The following SLC39A10 variants were observed in gnomAD, a reference collection of about 807,000 sequenced individuals.
The protein encoded by SLC39A10 is zinc transporter ZIP10.
Under a neutral mutation model 65.1 loss-of-function variants are expected in SLC39A10, and 13 were observed. The ratio of observed to expected loss-of-function variants is 0.20; its 90% confidence interval spans 0.13 to 0.32. The LOEUF (loss-of-function observed/expected upper bound fraction) is 0.32, where lower values mean the gene tolerates loss of function less well. Ranked by LOEUF, SLC39A10 falls within the 10% of genes least tolerant of loss-of-function variation. The pLI is 1.00. For missense variants in SLC39A10, 831 were observed against 1,018.4 expected (o/e 0.82, Z 2.50); for synonymous variants, 321 against 342.2 (o/e 0.94, Z 0.68).
intron 2 of SLC39A10, among the ~76,000 whole-genome samples, chr2:195,625,379 G>A (rs1199989740): frequency 6.6e-6 from 1 of 151,022 alleles, no homozygotes; most frequent in Non-Finnish European, 1.5e-5. Flanking sequence ...AAGTTCAAGC[G>A]ATTCTCCTGC....
chr2:195,718,504 T>C (rs1190858551), intron 8 of SLC39A10, among the ~76,000 whole-genome samples, 172 bp downstream of exon 8: 2 of 152,156 alleles, frequency 1.3e-5, no homozygotes, highest in Non-Finnish European at 2.9e-5. Context: ...AAAATGCTCC[T>C]TAAGATTGAT....
Position 195,621,776 on chromosome 2 carries a change from T to C in SLC39A10, c.-12+15543T>C, listed in dbSNP as rs888878818. ...ATGAAGTGAGCATTCTGAAATTAATTCTTTGTGTTTTTATAGAGAAGTTAC... is the reference window on the plus strand; with the variant it reads ...ATGAAGTGAGCATTCTGAAATTAATCCTTTGTGTTTTTATAGAGAAGTTAC... On this transcript the variant is annotated intron_variant, in intron 2 of 2. Transcript: ENST00000458054. Among the ~76,000 whole-genome samples the C allele has an allele frequency of 9.2e-5, 14 of 152,322 alleles. No homozygotes were observed. In the East Asian group the frequency reaches 2.7e-3, roughly 29 times the overall value.
intron 1 of SLC39A10, chr2:195,657,498 G>T: frequency 1.0e-6 from 1 of 985,452 alleles, no homozygotes; most frequent in Non-Finnish European, 1.2e-6. Context: ...GCAGAGTGTT[G>T]GGCGCCGCGG....
chr2:195,656,847 A>G (rs1012351667), upstream of SLC39A10: 3 of 152,284 alleles, frequency 2.0e-5, no homozygotes, highest in East Asian at 5.8e-4. Flanking sequence ...TTCGAAAGCC[A>G]GGAGAAAAGG....
intron 2 of SLC39A10, among the ~76,000 whole-genome samples, chr2:195,623,659 C>G (rs1688396517): frequency 6.6e-6 from 1 of 152,098 alleles, no homozygotes; most frequent in Admixed American, 6.6e-5. Flanking sequence ...CAAGAAAACA[C>G]TTTTTTGTTT....
intron 2 of SLC39A10, among the ~76,000 whole-genome samples, chr2:195,638,443 G>A (rs1026319140): frequency 6.6e-5 from 10 of 151,952 alleles, no homozygotes; most frequent in Non-Finnish European, 1.0e-4. Flanking sequence ...AGGTTCAAGC[G>A]ATTCTCCTGC....
At chr2:195,652,177 A>G (rs1346350958), upstream of SLC39A10, among the ~76,000 whole-genome samples, 1 of 152,152 alleles carries the variant, frequency 6.6e-6, no homozygotes, top group African/African-American at 2.4e-5. Context: ...TTATCTACAG[A>G]CCTGGAATCA....
intron 4 of SLC39A10, among the ~76,000 whole-genome samples, chr2:195,706,992 A>G (rs1242041965): frequency 1.3e-5 from 2 of 152,094 alleles, no homozygotes; most frequent in South Asian, 2.1e-4. Context: ...TTTGCTTTCA[A>G]TAGTCTTTAA....
At chr2:195,694,991 T>A (rs1374522848) in intron 3 of SLC39A10, among the ~76,000 whole-genome samples, 2 of 151,880 alleles carry the variant, frequency 1.3e-5, no homozygotes, top group African/African-American at 4.8e-5. Context: ...GGGGCCGGAG[T>A]CCCTGCTAAA....
chr2:195,726,470 TA>T (rs1692243309), intron 8 of SLC39A10, among the ~76,000 whole-genome samples: 1 of 151,816 alleles, frequency 6.6e-6, no homozygotes. Flanking sequence ...TGGAGAAAAT[TA>T]ACGAAACTCC....
chr2:195,714,973 C>T (rs1691735603), intron 6 of SLC39A10, among the ~76,000 whole-genome samples: 1 of 151,788 alleles, frequency 6.6e-6, no homozygotes, highest in African/African-American at 2.4e-5. Flanking sequence ...AGGATGGTCT[C>T]AATCTCCTGA....
At chr2:195,634,279 A>G (rs1234793866) in intron 2 of SLC39A10, among the ~76,000 whole-genome samples, 1 of 152,224 alleles carries the variant, frequency 6.6e-6, no homozygotes, top group Non-Finnish European at 1.5e-5. Flanking sequence ...TTTTGCTCCT[A>G]AACACCTGGT....
chr2:195,663,647 A>T (rs1689504503), intron 1 of SLC39A10, among the ~76,000 whole-genome samples: 1 of 151,800 alleles, frequency 6.6e-6, no homozygotes, highest in South Asian at 2.1e-4. Flanking sequence ...TAATGTTTGG[A>T]ATATACTGTT....
intron 2 of SLC39A10, among the ~76,000 whole-genome samples, chr2:195,645,833 C>G (rs1688903234): frequency 1.3e-5 from 2 of 152,170 alleles, no homozygotes; most frequent in Non-Finnish European, 2.9e-5. Context: ...TAAACAATAT[C>G]CTGCAAAGTA....
chr2:195,627,581 T>A (rs1405565659), intron 2 of SLC39A10, among the ~76,000 whole-genome samples: 1 of 152,200 alleles, frequency 6.6e-6, no homozygotes, highest in Admixed American at 6.5e-5. Flanking sequence ...AGCAACTATG[T>A]GAGGATGAGC....
At chr2:195,676,224 C>G (rs1182309239) in intron 1 of SLC39A10, among the ~76,000 whole-genome samples, 1 of 151,926 alleles carries the variant, frequency 6.6e-6, no homozygotes, top group Non-Finnish European at 1.5e-5. Context: ...CTGTGTCTCC[C>G]AGGCTGGCAG....
At chr2:195,665,369 A>G (rs1689596125) in intron 1 of SLC39A10, among the ~76,000 whole-genome samples, 1 of 152,206 alleles carries the variant, frequency 6.6e-6, no homozygotes, top group African/African-American at 2.4e-5. Context: ...CTGTAGTCCC[A>G]GCTATGTAGG....
rs779484034 is a variant in SLC39A10, at chr2:195,680,055, A to G, written c.13A>G (p.Met5Val). Residue 5 changes from methionine to valine, a missense_variant, in exon 2 of 10, where the codon ATG (methionine) becomes GTG (valine). Met to Val is a conservative substitution (Grantham distance 21, BLOSUM62 1). Around this residue, in one of 4 missense-constraint regions of SLC39A10, gnomAD observed 446 missense variants for 499.2 expected, o/e 0.89. Transcript: ENST00000359634. MKVHMHTKFCLICLL... is the reference protein window; with the variant it reads MKVHVHTKFCLICLL... ...AGGAAAAATAGAAATGAAGGTACAT[A>G]TGCACACAAAATTTTGCCTCATTTG... 1 of 1,602,276 alleles carries G rather than the reference A, an allele frequency of 6.2e-7. No homozygotes were observed. Among genetic ancestry groups the G allele is most frequent in the Non-Finnish European group, 8.5e-7 (1 of 1,176,512 alleles).
At chr2:195,713,901 C>T (rs1691688385) in intron 6 of SLC39A10, among the ~76,000 whole-genome samples, 1 of 151,776 alleles carries the variant, frequency 6.6e-6, no homozygotes, top group Non-Finnish European at 1.5e-5. Flanking sequence ...TATTAATCAG[C>T]AACAGACCAC....
Sources: gnomAD v4.1 joint callset for allele counts (sites outside exome capture counted in the v4.1 genomes callset) on GRCh38, gnomAD v4.1.1 for gene constraint, gnomAD v4.1.1 regional missense constraint, MANE v1.5 for transcripts, NCBI Gene and HGNC (gene_info 2026-07-23, HGNC 2026-07-21) for gene names.